ZNF793: variants seen among roughly 807,000 people sequenced by gnomAD.
ZNF793 encodes zinc finger protein 793.
ZNF793 carries 5 observed loss-of-function variants against 12.4 expected under a neutral mutation model. That is an observed-to-expected ratio of 0.40 (90% CI 0.21 to 0.84). The LOEUF (loss-of-function observed/expected upper bound fraction) is 0.84. Ranked by LOEUF, ZNF793 falls within the 40% of genes least tolerant of loss-of-function variation. The pLI is 0.35. For missense variants in ZNF793, 456 were observed against 495.0 expected (o/e 0.92, Z 0.75); for synonymous variants, 162 against 172.4 (o/e 0.94, Z 0.47).
rs532777751 is a variant in ZNF793 at position 37,525,505 on chromosome 19, C to T, written c.15+2051C>T. The stretch of plus-strand genomic sequence containing the variant: ...AGGCTGGAGTGCAGTGGCACGATCT[C>T]GGCTCACTGCAAGCTCTGACTCCCT... On this transcript the variant is annotated intron_variant, in intron 5 of 7. Coordinates refer to ENST00000627814, the MANE Select transcript of ZNF793 (RefSeq NM_001013659.3). Among the ~76,000 whole-genome samples the T allele has an allele frequency of 5.1e-3, 734 of 144,720 alleles. 3 individuals carry two copies. The highest frequency in any genetic ancestry group is 5.8e-3 in the Non-Finnish European group (382 of 66,350). The allele number at this position is 144,720 out of a possible 152,430, so 94.9% of individuals were successfully genotyped here. A position where few individuals can be genotyped will look rare whatever the true frequency, so the allele number is the denominator to read the frequency against.
intron 7 of ZNF793, chr19:37,536,505 GT>G: frequency 2.5e-6 from 1 of 404,750 alleles, no homozygotes; most frequent in Non-Finnish European, 4.3e-6. Flanking sequence ...CACCTGCTTT[GT>G]GAATAAAGTT....
Position 37,537,833 on chromosome 19 carries a change from A to C in ZNF793, c.1175A>C (p.Lys392Thr), listed in dbSNP as rs2147115845. 6.2e-7 allele frequency: 1 copy of C among 1,612,850 alleles called. No individual in the cohort carries two copies. Among genetic ancestry groups the C allele is most frequent in the East Asian group, 2.2e-5 (1 of 44,848 alleles). ...AGACATCAGAAAATTCATGCTCGGAAGAATGCCTACAGGAATGAAAACTTA... is the reference window on the plus strand; with the variant it reads ...AGACATCAGAAAATTCATGCTCGGACGAATGCCTACAGGAATGAAAACTTA... ...LSRHQKIHARKNAYRNENLII... is the reference protein window; with the variant it reads ...LSRHQKIHARTNAYRNENLII... The change falls in exon 8 of 8, where the codon AAG becomes ACG. Residue 392 changes from lysine (K) to threonine (T), a missense_variant. Coordinates refer to ENST00000627814, the MANE Select transcript of ZNF793 (RefSeq NM_001013659.3).
rs200459156 is a variant in ZNF793 at position 37,518,798 on chromosome 19, G to GA, written c.-275-1377dup. On this transcript the variant is annotated intron_variant, in intron 2 of 7. Transcript: ENST00000627814. Reference sequence around the variant, plus strand: ...TATCTCAAATAAAGAAATAGATAATGAAAAAAAAATAAATTATTGTTGGGA... The same window carrying GA: ...TATCTCAAATAAAGAAATAGATAATGAAAAAAAAAATAAATTATTGTTGGGA... Among the ~76,000 whole-genome samples the GA allele has an allele frequency of 2.5e-3, 331 of 131,646 alleles. 1 individual carries two copies. The highest frequency in any genetic ancestry group is 5.8e-3 in the African/African-American group (205 of 35,452). The allele number at this position is 131,646 out of a possible 152,430, so 86.4% of individuals were successfully genotyped here. A position where few individuals can be genotyped will look rare whatever the true frequency, so the allele number is the denominator to read the frequency against.
At chr19:37,527,898 CG>C (rs1368264883) in intron 5 of ZNF793, among the ~76,000 whole-genome samples, 2 of 151,704 alleles carry the variant, frequency 1.3e-5, no homozygotes, top group African/African-American at 4.8e-5. Flanking sequence ...GCAGGCGGAT[CG>C]CTTGAGGTCA....
chr19:37,523,192 T>C (rs1041278687), intron 4 of ZNF793, among the ~76,000 whole-genome samples: 3 of 152,118 alleles, frequency 2.0e-5, no homozygotes, highest in Admixed American at 6.5e-5. Flanking sequence ...TGGCTAATTT[T>C]TTATCTTTTT....
At chr19:37,526,236 C>G (rs1225415129) in intron 5 of ZNF793, among the ~76,000 whole-genome samples, 1 of 152,188 alleles carries the variant, frequency 6.6e-6, no homozygotes, top group African/African-American at 2.4e-5. Flanking sequence ...TTTCAGCCTC[C>G]CGAGTAGCTG....
chr19:37,527,796 G>C (rs2042427772), intron 5 of ZNF793, among the ~76,000 whole-genome samples: 1 of 152,154 alleles, frequency 6.6e-6, no homozygotes, highest in Non-Finnish European at 1.5e-5. Flanking sequence ...TATACTCATT[G>C]TTACAATTAC....
At chr19:37,510,702 C>CTT (rs879328259) in intron 2 of ZNF793, among the ~76,000 whole-genome samples, 1 of 139,442 alleles carries the variant, frequency 7.2e-6, no homozygotes. Context: ...AAATTCTTTT[C>CTT]TTTTTTTTTT....
rs2042533172 is a variant in ZNF793 at position 37,538,917 on chromosome 19, A to G, written c.*1038A>G. Reference sequence around the variant, plus strand: ...CATTCAGAAAACTTTTCCACTTTAAATATCATCATTGTCTTTTGATGTCTT... The same window carrying G: ...CATTCAGAAAACTTTTCCACTTTAAGTATCATCATTGTCTTTTGATGTCTT... On this transcript the variant is annotated 3_prime_UTR_variant, in exon 8 of 8. Coordinates refer to ENST00000627814, the MANE Select transcript of ZNF793 (RefSeq NM_001013659.3). 1 of 152,216 alleles carries G rather than the reference A, an allele frequency of 6.6e-6. No homozygotes were observed. Among genetic ancestry groups the G allele is most frequent in the Non-Finnish European group, 1.5e-5 (1 of 68,040 alleles). The allele number at this position is 152,216 out of a possible 1,614,324, so 9.4% of individuals were successfully genotyped here. A position where few individuals can be genotyped will look rare whatever the true frequency, so the allele number is the denominator to read the frequency against.
At chr19:37,536,829 T>G (rs2147113095) in intron 7 of ZNF793, 68 bp from the exon 8 acceptor site, 1 of 1,498,646 alleles carries the variant, frequency 6.7e-7, no homozygotes, top group Admixed American at 2.4e-5. Flanking sequence ...TGTGCACTCT[T>G]TAAATTTTGA....
chr19:37,529,033 T>C (rs1011304251), intron 5 of ZNF793, among the ~76,000 whole-genome samples: 4 of 152,160 alleles, frequency 2.6e-5, no homozygotes, highest in African/African-American at 7.2e-5. Flanking sequence ...TCTCCAGGTG[T>C]GGCGCCATCA....
In ZNF793 at chr19:37,541,735, T is replaced by C. The variant is rs1043316579; in HGVS notation, c.*3856T>C. On this transcript the variant is annotated 3_prime_UTR_variant, in exon 8 of 8. Coordinates refer to ENST00000627814, the MANE Select transcript of ZNF793 (RefSeq NM_001013659.3). Reference sequence around the variant, plus strand: ...CAAACATTTGACTACGTAGAATCTTTTGGTACAATCTTTTGGGTGACAAAA... The same window carrying C: ...CAAACATTTGACTACGTAGAATCTTCTGGTACAATCTTTTGGGTGACAAAA... 1 of 152,172 alleles carries C rather than the reference T, an allele frequency of 6.6e-6. No individual in the cohort carries two copies. The highest frequency in any genetic ancestry group is 2.4e-5 in the African/African-American group (1 of 41,444). The allele number at this position is 152,172 out of a possible 1,614,324, so 9.4% of individuals were successfully genotyped here.
intron 2 of ZNF793, among the ~76,000 whole-genome samples, chr19:37,513,663 G>A (rs1373522738): frequency 6.6e-6 from 1 of 152,022 alleles, no homozygotes; most frequent in African/African-American, 2.4e-5. Context: ...CAACTAAGAA[G>A]ACAAAGAAAG....
chr19:37,520,046 C>T (rs2042363067), intron 2 of ZNF793, 138 bp from the exon 3 acceptor site: 1 of 152,264 alleles, frequency 6.6e-6, no homozygotes, highest in Admixed American at 6.5e-5. Flanking sequence ...GTGGGAGTTC[C>T]CCCTGTCCCA....
At chr19:37,516,968 A>G (rs2042337617) in intron 2 of ZNF793, among the ~76,000 whole-genome samples, 1 of 152,142 alleles carries the variant, frequency 6.6e-6, no homozygotes, top group Non-Finnish European at 1.5e-5. Flanking sequence ...TTTACTAAGA[A>G]AGATAATGAT....
rs2126976 is a variant in ZNF793 at position 37,540,031 on chromosome 19, C to T, written c.*2152C>T. 29,318 of 151,582 alleles carry T rather than the reference C, an allele frequency of 0.19. 3,306 individuals are homozygous for T. Among genetic ancestry groups the T allele is most frequent in the Middle Eastern group, 0.35 (101 of 292 alleles). 9.4% of individuals were successfully genotyped at this position (151,582 alleles called of 1,614,324 possible). Reference sequence around the variant, plus strand: ...GGTGCGGTGGCTCACGCCTGTAATCCCAACACTTTGGGAGGCCGAGGCAGG... The same window carrying T: ...GGTGCGGTGGCTCACGCCTGTAATCTCAACACTTTGGGAGGCCGAGGCAGG... On this transcript the variant is annotated 3_prime_UTR_variant, in exon 8 of 8. Coordinates refer to ENST00000627814, the MANE Select transcript of ZNF793 (RefSeq NM_001013659.3).
intron 7 of ZNF793, chr19:37,534,577 AT>A (rs2042489312): frequency 6.6e-6 from 1 of 151,924 alleles, no homozygotes; most frequent in Non-Finnish European, 1.5e-5. Context: ...CCGTGTGGTC[AT>A]TTTGAATCTT....
At chr19:37,529,797 G>A (rs907447900) in intron 5 of ZNF793, among the ~76,000 whole-genome samples, 1 of 152,156 alleles carries the variant, frequency 6.6e-6, no homozygotes, top group East Asian at 1.9e-4. Flanking sequence ...CTGGCCTGGA[G>A]TGTTCAGTTT....
intron 2 of ZNF793, among the ~76,000 whole-genome samples, chr19:37,514,333 T>G (rs1568786111): frequency 6.6e-6 from 1 of 152,188 alleles, no homozygotes; most frequent in Non-Finnish European, 1.5e-5. Flanking sequence ...GACTTCCAAG[T>G]AACACACTAT....
Sources: allele counts gnomAD v4.1 joint callset (sites outside exome capture counted in the v4.1 genomes callset), GRCh38; gene constraint gnomAD v4.1.1; transcripts MANE v1.5; gene names NCBI Gene and HGNC (gene_info 2026-07-23, HGNC 2026-07-21).